The following CDX4 variants were observed in gnomAD, a reference collection of about 807,000 sequenced individuals.
CDX4 encodes the protein caudal type homeobox 4, also known as homeobox protein CDX-4.
Under a neutral mutation model 14.1 loss-of-function variants are expected in CDX4, and 11 were observed. The observed-to-expected ratio is 0.78, with a 90% CI of 0.49 to 1.29. The LOEUF (loss-of-function observed/expected upper bound fraction) is 1.29, where lower values mean the gene tolerates loss of function less well. CDX4 is among the 50% of genes most tolerant of loss of function. The probability of loss-of-function intolerance (pLI) is 0.00; values close to 1 mark genes in which losing one functional copy is unlikely to be tolerated. For missense variants in CDX4, 257 were observed against 237.4 expected (o/e 1.08, Z -0.54); for synonymous variants, 100 against 93.5 (o/e 1.07, Z -0.40).
chrX:73,454,789 A>G lies in CDX4; in HGVS notation c.*204A>G, dbSNP rs2057101739. The G allele has an allele frequency of 7.8e-6, 3 of 386,998 alleles. No homozygotes were observed. The highest frequency in any genetic ancestry group is 1.3e-5 in the Non-Finnish European group (3 of 226,006). The allele number at this position is 386,998 out of a possible 1,213,427, so 31.9% of individuals were successfully genotyped here. ...GAAAACTCCTGTCACGTGCTGTGCT[A>G]TATGTCAGTCACTCAGGAATCTTAG... On this transcript the variant is annotated 3_prime_UTR_variant, in exon 3 of 3. Coordinates refer to ENST00000373514, the MANE Select transcript of CDX4 (RefSeq NM_005193.2).
chrX:73,453,572 G>A lies in CDX4; in HGVS notation c.558G>A (p.Leu186=), dbSNP rs2057096302. The A allele has an allele frequency of 2.5e-6, 3 of 1,202,969 alleles. No homozygotes were observed. The highest frequency in any genetic ancestry group is 2.2e-6 in the Non-Finnish European group (2 of 889,077). The change falls in exon 2 of 3, where the codon TTG becomes TTA. Residue 186 remains leucine, a synonymous_variant. Coordinates refer to ENST00000373514, the MANE Select transcript of CDX4 (RefSeq NM_005193.2). ...YRVVYTDHQR[L]ELEKEFHCNR... is the part of the protein sequence containing the mutation. ...TAGTTTACACTGATCATCAAAGATT[G>A]GAGCTGGAAAAGGAATTCCATTGCA... is the stretch of plus-strand genomic sequence containing the variant.
chrX:73,454,379 G>C lies in CDX4; in HGVS notation c.649G>C (p.Val217Leu). The C allele has an allele frequency of 4.2e-6, 5 of 1,192,361 alleles. No homozygotes were observed. The South Asian group carries it at 9.0e-5, about 21-fold the overall frequency. The change falls in exon 3 of 3, where the codon GTG becomes CTG. Residue 217 changes from valine (V) to leucine (L), a missense_variant and splice_region_variant. Val to Leu is a conservative substitution (Grantham distance 32). Transcript: ENST00000373514. The part of the protein sequence containing the change: ...AVNLGLSERQ[V>L]KIWFQNRRAK... The stretch of plus-strand genomic sequence containing the variant: ...AGTATGTTGCCCCATTGTGTTTCAG[G>C]TGAAAATCTGGTTTCAGAATCGCAG...
chrX:73,452,590 A>G (rs761645231), intron 1 of CDX4, among the ~76,000 whole-genome samples: 4 of 111,594 alleles, frequency 3.6e-5, no homozygotes, highest in African/African-American at 1.3e-4. Flanking sequence ...TGGAATACTC[A>G]CTTTATTCTG....
Position 73,453,600 on chromosome X carries a change from A to G in CDX4, c.586A>G (p.Arg196Gly). 1.7e-6 allele frequency: 2 copies of G among 1,202,702 alleles called. No homozygotes were observed. Among genetic ancestry groups the G allele is most frequent in the Non-Finnish European group, 2.3e-6 (2 of 888,804 alleles). Reference sequence around the variant, plus strand: ...GCTGGAAAAGGAATTCCATTGCAATAGATATATCACCATCCAGAGAAAATC... The same window carrying G: ...GCTGGAAAAGGAATTCCATTGCAATGGATATATCACCATCCAGAGAAAATC... ...LELEKEFHCNRYITIQRKSEL... is the reference protein window; with the variant it reads ...LELEKEFHCNGYITIQRKSEL... Residue 196 changes from arginine to glycine, a missense_variant, in exon 2 of 3, where the codon AGA (arginine) becomes GGA (glycine). Physicochemically the swap from Arg to Gly is moderately radical, Grantham distance 125. Coordinates refer to ENST00000373514, the MANE Select transcript of CDX4 (RefSeq NM_005193.2).
At position 73,454,631 on chromosome X, in the gene CDX4, T is replaced by A. The variant is rs2057101153; in HGVS notation, c.*46T>A. 1.0e-6 allele frequency: 1 copy of A among 996,923 alleles called. No individual in the cohort carries two copies. Among genetic ancestry groups the A allele is most frequent in the African/African-American group, 1.9e-5 (1 of 52,691 alleles). The allele number at this position is 996,923 out of a possible 1,213,427, so 82.2% of individuals were successfully genotyped here. A position where few individuals can be genotyped will look rare whatever the true frequency, so the allele number is the denominator to read the frequency against. ...AAAGTGCCCTTTTTTTAGTGATGTC[T>A]TTTGGGTCTCTAAGCTATCTACAGG... On this transcript the variant is annotated 3_prime_UTR_variant, in exon 3 of 3. Transcript: ENST00000373514.
At chrX:73,449,568 G>A (rs1270320794) in intron 1 of CDX4, among the ~76,000 whole-genome samples, 5 of 111,502 alleles carry the variant, frequency 4.5e-5, no homozygotes, top group Non-Finnish European at 1.9e-5. Context: ...CAATTTCTAT[G>A]AGAAGTTTAA....
Position 73,453,972 on chromosome X carries a change from C to T in CDX4, c.648+310C>T, listed in dbSNP as rs946552147. ...TTTTATTAATATTATACTAATAGGA[C>T]GTTTCTCTTTAGTGAAATATTAATA... On this transcript the variant is annotated intron_variant, in intron 2 of 2. Transcript: ENST00000373514. Among the ~76,000 whole-genome samples the T allele has an allele frequency of 2.1e-4, 23 of 111,051 alleles. 1 individual carries two copies. The highest frequency in any genetic ancestry group is 1.7e-3 in the Admixed American group (18 of 10,493).
At chrX:73,451,621 ATT>A (rs1378680277) in intron 1 of CDX4, among the ~76,000 whole-genome samples, 1 of 111,263 alleles carries the variant, frequency 9.0e-6, no homozygotes, top group Non-Finnish European at 1.9e-5. Flanking sequence ...CAAGAGGGGA[ATT>A]TATGACCAAT....
Position 73,447,502 on chromosome X carries a change from G to A in CDX4, c.249G>A (p.Trp83Ter). The A allele has an allele frequency of 1.7e-6, 2 of 1,212,047 alleles. No individual in the cohort carries two copies. The highest frequency in any genetic ancestry group is 2.2e-6 in the Non-Finnish European group (2 of 895,501). The change falls in exon 1 of 3, where the codon TGG becomes TGA. Residue 83 changes from tryptophan to a stop codon, truncating the protein, a stop_gained. Coordinates refer to ENST00000373514, the MANE Select transcript of CDX4 (RefSeq NM_005193.2). LOFTEE classifies it high-confidence loss of function. ...CCTACAGTCCCCCGCGAGAAGACTG[G>A]AGCGTGTATCCTGGGCCGTCTAGTA... ...GSPYSPPREDWSVYPGPSSTM... is the reference protein window; with the variant it reads ...GSPYSPPRED
chrX:73,449,014 T>C (rs1251825304), intron 1 of CDX4, among the ~76,000 whole-genome samples: 3 of 111,800 alleles, frequency 2.7e-5, no homozygotes, highest in Non-Finnish European at 5.6e-5. Context: ...AGAGTAGCGA[T>C]CCCAAGGTAA....
At chrX:73,448,105 G>C (rs1313295941) in intron 1 of CDX4, among the ~76,000 whole-genome samples, 1 of 112,072 alleles carries the variant, frequency 8.9e-6, no homozygotes, top group Non-Finnish European at 1.9e-5. Context: ...AAAGCTCAAC[G>C]GGTGAATGAA....
chrX:73,450,563 A>G (rs999680843), intron 1 of CDX4, among the ~76,000 whole-genome samples: 1 of 111,730 alleles, frequency 9.0e-6, no homozygotes, highest in Non-Finnish European at 1.9e-5. Context: ...AAGCCACTGG[A>G]CAACATGAAG....
intron 1 of CDX4, among the ~76,000 whole-genome samples, 155 bp from the exon 2 acceptor site, chrX:73,453,362 G>C (rs2057095299): frequency 9.0e-6 from 1 of 111,634 alleles, no homozygotes; most frequent in Admixed American, 9.5e-5. Flanking sequence ...GTATTTAATG[G>C]AGAAATTGAC....
chrX:73,451,533 T>C (rs1430899529), intron 1 of CDX4, among the ~76,000 whole-genome samples: 2 of 111,216 alleles, frequency 1.8e-5, no homozygotes, highest in Non-Finnish European at 3.8e-5. Context: ...CTTCAGGGGT[T>C]ATATTGCCGG....
At position 73,447,406 on chromosome X, in the gene CDX4, G is replaced by A. The variant is rs1451985214; in HGVS notation, c.153G>A (p.Ser51=). The A allele has an allele frequency of 1.7e-6, 2 of 1,210,836 alleles. No homozygotes were observed. Among genetic ancestry groups the A allele is most frequent in the African/African-American group, 1.7e-5 (1 of 57,682 alleles). The stretch of plus-strand genomic sequence containing the variant: ...ATTTCGCTGCGGCACCGGCTTTCTC[G>A]CACTATATGGGGTATCCTCATATGC... ...ASNFAAAPAF[S]HYMGYPHMPS... The change falls in exon 1 of 3, where the codon TCG becomes TCA. Residue 51 remains serine (S), a synonymous_variant. Coordinates refer to ENST00000373514, the MANE Select transcript of CDX4 (RefSeq NM_005193.2).
At chrX:73,454,321 A>C (rs926975141) in intron 2 of CDX4, 58 bp from the exon 3 acceptor site, 2 of 822,029 alleles carry the variant, frequency 2.4e-6, no homozygotes, top group Non-Finnish European at 1.8e-6. Flanking sequence ...AAGTCTCTGT[A>C]CAATATCAGA....
Position 73,447,219 on chromosome X carries a change from G to A in CDX4, c.-35G>A, listed in dbSNP as rs1279204768. ...GAGTTGGGGCCTTACAGGGACTTCAGGATGGCTTAGGGAGCGCCTTCTACC... is the reference window on the plus strand; with the variant it reads ...GAGTTGGGGCCTTACAGGGACTTCAAGATGGCTTAGGGAGCGCCTTCTACC... On this transcript the variant is annotated 5_prime_UTR_variant, in exon 1 of 3. Transcript: ENST00000373514. 8.4e-6 allele frequency: 10 copies of A among 1,184,963 alleles called. No homozygotes were observed. Among genetic ancestry groups the A allele is most frequent in the Non-Finnish European group, 1.1e-5 (10 of 880,062 alleles).
chrX:73,451,519 C>A (rs977063380), intron 1 of CDX4, among the ~76,000 whole-genome samples: 2 of 111,194 alleles, frequency 1.8e-5, no homozygotes, highest in African/African-American at 6.5e-5. Flanking sequence ...CTTATCCCTC[C>A]TTTCTTCAGG....
In CDX4 at chrX:73,454,851, C is replaced by T. The variant is rs1269742209; in HGVS notation, c.*266C>T. 3.5e-6 allele frequency: 1 copy of T among 284,104 alleles called. No individual in the cohort carries two copies. Among genetic ancestry groups the T allele is most frequent in the Non-Finnish European group, 6.2e-6 (1 of 162,209 alleles). The allele number at this position is 284,104 out of a possible 1,213,427, so 23.4% of individuals were successfully genotyped here. On this transcript the variant is annotated 3_prime_UTR_variant, in exon 3 of 3. Coordinates refer to ENST00000373514, the MANE Select transcript of CDX4 (RefSeq NM_005193.2). ...ATAATTAAAAGCTAGAATCACAGGC[C>T]CTTCCAACTCTGTTCACAATTTCAG...
Sources: gnomAD v4.1 joint callset for allele counts (sites outside exome capture counted in the v4.1 genomes callset) on GRCh38, gnomAD v4.1.1 for gene constraint, MANE v1.5 for transcripts, NCBI Gene and HGNC (gene_info 2026-07-23, HGNC 2026-07-21) for gene names.